The following EIF4A3 variants were observed in gnomAD, a reference collection of about 807,000 sequenced individuals.
The protein encoded by EIF4A3 is eukaryotic initiation factor 4A-III.
EIF4A3 carries 1 observed loss-of-function variant against 55.6 expected under a neutral mutation model. The observed-to-expected ratio is 0.02, with a 90% confidence interval of 0.01 to 0.09. The LOEUF (loss-of-function observed/expected upper bound fraction) is 0.09. Among genes scored for constraint, EIF4A3 ranks in the 10% least tolerant of loss-of-function variants. The pLI is 1.00. For missense variants in EIF4A3, 221 were observed against 540.7 expected (o/e 0.41, Z 5.86); for synonymous variants, 194 against 196.3 (o/e 0.99, Z 0.10).
intron 4 of EIF4A3, chr17:80,140,374 C>A (rs1375990658): frequency 1.6e-5 from 6 of 371,790 alleles, no homozygotes; most frequent in Non-Finnish European, 2.7e-5. Flanking sequence ...GGGGCAGCAG[C>A]GCAATCTTAG....
chr17:80,136,739 A>G (rs2039573754), intron 9 of EIF4A3: 4 of 167,010 alleles, frequency 2.4e-5, no homozygotes, highest in Admixed American at 2.4e-4. Context: ...GCTGAGGCAG[A>G]TGGATCACCT....
chr17:80,136,867 T>C (rs1480006222), intron 9 of EIF4A3: 2 of 145,132 alleles, frequency 1.4e-5, no homozygotes, highest in Non-Finnish European at 2.9e-5. Context: ...GACACAGGAG[T>C]CACTTGAAAT....
At chr17:80,138,505 C>T (rs1336946540) in intron 7 of EIF4A3, 8 of 512,784 alleles carry the variant, frequency 1.6e-5, no homozygotes, top group African/African-American at 2.0e-5. Context: ...ACATGGAATA[C>T]GATTCTAAAC....
At position 80,141,533 on chromosome 17, in the gene EIF4A3, C is replaced by A. The variant is rs1437548487; in HGVS notation, c.310-152G>T. 10 of 909,258 alleles carry A rather than the reference C, an allele frequency of 1.1e-5. No homozygotes were observed. In the East Asian group the frequency reaches 2.7e-4, roughly 24 times the overall value. 56.3% of individuals were successfully genotyped at this position (909,258 alleles called of 1,614,324 possible). On this transcript the variant is annotated intron_variant, in intron 3 of 11. Transcript: ENST00000649764. ...TTAGCAAATATTGTCATTTAAATTG[C>A]AAATCCAACAATAACTTAATGTGTC...
At chr17:80,135,762 G>A (rs980447590) in intron 11 of EIF4A3, 10 of 611,888 alleles carry the variant, frequency 1.6e-5, no homozygotes, top group African/African-American at 3.7e-5. Flanking sequence ...TGGCTATGGT[G>A]CACGTGTCTG....
At chr17:80,137,253 C>G in intron 9 of EIF4A3, 133 bp downstream of exon 9, 1 of 712,626 alleles carries the variant, frequency 1.4e-6, no homozygotes, top group East Asian at 3.0e-5. Flanking sequence ...TCTGCTCACC[C>G]AGGGCCTCAG....
At position 80,144,093 on chromosome 17, in the gene EIF4A3, C is replaced by G. The variant is rs140833688; in HGVS notation, c.242+79G>C. 669 of 1,339,268 alleles carry G rather than the reference C, an allele frequency of 5.0e-4. 4 individuals carry two copies. The African/African-American group carries it at 8.1e-3, about 16-fold the overall frequency. 83.0% of individuals were successfully genotyped at this position (1,339,268 alleles called of 1,614,324 possible). ...CTGAGCGTGTACAAGCTGAGGGAAA[C>G]AGTCATCCCAGAGCATCTAACTGCA... On this transcript the variant is annotated intron_variant, in intron 2 of 11. Transcript: ENST00000649764.
chr17:80,136,377 A>G lies in EIF4A3; in HGVS notation c.984-42T>C, dbSNP rs768687670. 65 of 1,530,710 alleles carry G rather than the reference A, an allele frequency of 4.2e-5. No individual in the cohort carries two copies. In the Admixed American group the frequency reaches 5.0e-4, roughly 12 times the overall value. 94.8% of individuals were successfully genotyped at this position (1,530,710 alleles called of 1,614,324 possible). A position where few individuals can be genotyped will look rare whatever the true frequency, so the allele number is the denominator to read the frequency against. ...TGTTTGAGGCGATTAAATTACTCAT[A>G]CAAGTGTAAGACTGGACTTGCTTCC... On this transcript the variant is annotated intron_variant, in intron 9 of 11. Transcript: ENST00000649764.
intron 10 of EIF4A3, 31 bp downstream of exon 10, chr17:80,136,197 G>C (rs1403462220): frequency 6.2e-7 from 1 of 1,613,020 alleles, no homozygotes. Flanking sequence ...ATGTGTCACA[G>C]AAGTGAAGCC....
chr17:80,147,046 GCT>G lies in EIF4A3; in HGVS notation c.-87_-86del. The stretch of plus-strand genomic sequence containing the variant: ...ACCTCGCTGTGCCGCTGCCGACCTC[GCT>G]GCCGCTGCCGACCTCGCTGTGCCGC... On this transcript the variant is annotated 5_prime_UTR_variant, in exon 1 of 12. Transcript: ENST00000649764. 1 of 1,321,550 alleles carries G rather than the reference GCT, an allele frequency of 7.6e-7. No homozygotes were observed. Among genetic ancestry groups the G allele is most frequent in the Non-Finnish European group, 9.7e-7 (1 of 1,034,386 alleles). 81.9% of individuals were successfully genotyped at this position (1,321,550 alleles called of 1,614,324 possible). A position where few individuals can be genotyped will look rare whatever the true frequency, so the allele number is the denominator to read the frequency against.
chr17:80,141,938 G>T, intron 2 of EIF4A3, 90 bp from the exon 3 acceptor site: 1 of 1,048,464 alleles, frequency 9.5e-7, no homozygotes, highest in Non-Finnish European at 1.5e-6. Context: ...AGGCACTTAG[G>T]TACCTTCTTC....
chr17:80,139,335 C>G, intron 6 of EIF4A3, 173 bp from the exon 7 acceptor site: 1 of 814,608 alleles, frequency 1.2e-6, no homozygotes, highest in Non-Finnish European at 1.9e-6. Flanking sequence ...TCCGTCCCTA[C>G]TCCCCGCCCA....
intron 1 of EIF4A3, among the ~76,000 whole-genome samples, chr17:80,145,699 T>TC (rs1480690685): frequency 2.0e-5 from 3 of 152,092 alleles, no homozygotes; most frequent in Non-Finnish European, 4.4e-5. Context: ...CTCCAGGCTC[T>TC]CCCTCAACTT....
intron 2 of EIF4A3, among the ~76,000 whole-genome samples, chr17:80,143,064 A>T: frequency 6.6e-6 from 1 of 152,088 alleles, no homozygotes; most frequent in East Asian, 1.9e-4. Flanking sequence ...TTTTTTTTAA[A>T]AAGCATTATG....
rs1001461384 is a variant in EIF4A3 at position 80,141,788 on chromosome 17, A to G, written c.303T>C (p.Asp101=). Residue 101 remains aspartate, a synonymous_variant, in exon 3 of 12, where the codon GAT becomes GAC. Transcript: ENST00000649764. ...TTTAAGAATGGCAAATTACCTGAAT[A>G]TCCAAACACTGGAGGACTGAGATAC... ...TFSISVLQCL[D]IQVRETQALI... is the part of the protein sequence containing the mutation. The G allele has an allele frequency of 6.8e-6, 11 of 1,613,536 alleles. No homozygotes were observed. The Admixed American group carries it at 1.7e-4, about 24-fold the overall frequency.
chr17:80,138,757 T>G, intron 7 of EIF4A3: 2 of 434,872 alleles, frequency 4.6e-6, no homozygotes, highest in Non-Finnish European at 8.3e-6. Context: ...CCGCCCTACC[T>G]GGCTAATTTT....
At position 80,139,272 on chromosome 17, in the gene EIF4A3, C is replaced by T. The variant is rs113448837; in HGVS notation, c.587-110G>A. 2.5e-3 allele frequency: 3,505 copies of T among 1,422,840 alleles called. 13 individuals are homozygous for T. Among genetic ancestry groups the T allele is most frequent in the Non-Finnish European group, 3.1e-3 (3,300 of 1,051,406 alleles). The allele number at this position is 1,422,840 out of a possible 1,614,324, so 88.1% of individuals were successfully genotyped here. On this transcript the variant is annotated intron_variant, in intron 6 of 11. Coordinates refer to ENST00000649764, the MANE Select transcript of EIF4A3 (RefSeq NM_014740.4). Reference sequence around the variant, plus strand: ...TTAGAGGCAGAGTGGTGATAAGGTACGTTTGACAGGAAATCTCATTTTTAC... The same window carrying T: ...TTAGAGGCAGAGTGGTGATAAGGTATGTTTGACAGGAAATCTCATTTTTAC...
intron 3 of EIF4A3, 73 bp from the exon 4 acceptor site, chr17:80,141,454 G>T: frequency 7.1e-7 from 1 of 1,401,260 alleles, no homozygotes; most frequent in Non-Finnish European, 1.0e-6. Context: ...TTCACACTCA[G>T]ATCTATATGA....
intron 6 of EIF4A3, 65 bp from the exon 7 acceptor site, chr17:80,139,227 C>G (rs934759225): frequency 1.3e-6 from 2 of 1,590,738 alleles, no homozygotes; most frequent in Non-Finnish European, 1.7e-6. Flanking sequence ...GGAAGGTGCA[C>G]GCCCAGTGTT....
Sources: gnomAD v4.1 joint callset for allele counts (sites outside exome capture counted in the v4.1 genomes callset) on GRCh38, gnomAD v4.1.1 for gene constraint, MANE v1.5 for transcripts, NCBI Gene and HGNC (gene_info 2026-07-23, HGNC 2026-07-21) for gene names.